The following RB1CC1 variants were observed in gnomAD, a reference collection of about 807,000 sequenced individuals.
RB1CC1 encodes RB1-inducible coiled-coil protein 1.
RB1CC1 carries 46 observed loss-of-function variants against 177.5 expected under a neutral mutation model. The observed-to-expected ratio is 0.26, with a 90% confidence interval of 0.20 to 0.33. The LOEUF (loss-of-function observed/expected upper bound fraction) is 0.33. RB1CC1 is among the 10% of genes least tolerant of loss of function. RB1CC1 has a pLI of 1.00. For missense variants in RB1CC1, 1,703 were observed against 1,816.3 expected (o/e 0.94, Z 1.13); for synonymous variants, 666 against 613.6 (o/e 1.09, Z -1.26).
At chr8:52,628,691 C>G (rs1413684280) in intron 21 of RB1CC1, among the ~76,000 whole-genome samples, 1 of 151,994 alleles carries the variant, frequency 6.6e-6, no homozygotes. Flanking sequence ...GGTATAAGCC[C>G]GAAAGAAGAC....
intron 6 of RB1CC1, among the ~76,000 whole-genome samples, chr8:52,674,700 G>A (rs1003926716): frequency 2.0e-5 from 3 of 151,838 alleles, no homozygotes; most frequent in East Asian, 3.9e-4. Context: ...CCTGGGAGGC[G>A]GAGGCTGCAG....
chr8:52,671,301 T>C (rs1205756017), intron 7 of RB1CC1, among the ~76,000 whole-genome samples: 2 of 152,198 alleles, frequency 1.3e-5, no homozygotes, highest in African/African-American at 2.4e-5. Context: ...ACTGTTACAA[T>C]TGGAATTAAT....
chr8:52,712,900 A>G (rs935688677), intron 1 of RB1CC1, among the ~76,000 whole-genome samples: 1 of 152,156 alleles, frequency 6.6e-6, no homozygotes, highest in Middle Eastern at 3.2e-3. Context: ...TAATCCAAAA[A>G]CTAAAATCAG....
intron 1 of RB1CC1, among the ~76,000 whole-genome samples, chr8:52,699,858 T>TATATATATATATACAC (rs756226534): frequency 9.7e-6 from 1 of 102,790 alleles, no homozygotes; most frequent in African/African-American, 4.1e-5. Context: ...TATATATATA[T>TATATATATATATACAC]ACACACAAAA....
At chr8:52,649,584 C>A (rs888295475) in intron 15 of RB1CC1, among the ~76,000 whole-genome samples, 1 of 152,072 alleles carries the variant, frequency 6.6e-6, no homozygotes, top group Non-Finnish European at 1.5e-5. Context: ...GGCAGTAAGC[C>A]GAGATCATGC....
intron 1 of RB1CC1, among the ~76,000 whole-genome samples, chr8:52,697,663 T>C (rs965778320): frequency 6.6e-6 from 1 of 152,184 alleles, no homozygotes; most frequent in African/African-American, 2.4e-5. Flanking sequence ...ATTGGCAAAA[T>C]GTTGGTACTT....
At chr8:52,671,428 T>C (rs1325205508) in intron 7 of RB1CC1, among the ~76,000 whole-genome samples, 1 of 152,228 alleles carries the variant, frequency 6.6e-6, no homozygotes, top group Non-Finnish European at 1.5e-5. Flanking sequence ...GGTAGGTTAG[T>C]TGTTTTGGAC....
chr8:52,685,362 C>T (rs775528932), intron 3 of RB1CC1, 37 bp downstream of exon 3: 3 of 1,432,540 alleles, frequency 2.1e-6, no homozygotes, highest in Admixed American at 1.8e-5. Context: ...TGCATGCAGA[C>T]AGAATGCGAA....
intron 15 of RB1CC1, among the ~76,000 whole-genome samples, chr8:52,647,071 A>G (rs1032654672): frequency 6.6e-6 from 1 of 152,152 alleles, no homozygotes; most frequent in African/African-American, 2.4e-5. Context: ...TTCACTCTAC[A>G]TGTTTCTTAT....
chr8:52,638,501 C>T (rs959997886), intron 18 of RB1CC1, among the ~76,000 whole-genome samples: 4 of 152,106 alleles, frequency 2.6e-5, no homozygotes, highest in African/African-American at 9.6e-5. Flanking sequence ...GAGTTCTCTC[C>T]TATTTTTTAA....
At chr8:52,702,514 C>G (rs983224991) in intron 1 of RB1CC1, among the ~76,000 whole-genome samples, 1 of 152,012 alleles carries the variant, frequency 6.6e-6, no homozygotes, top group African/African-American at 2.4e-5. Flanking sequence ...GTCAGGAGTT[C>G]GAGACTGCCT....
rs1853233746 is a variant in RB1CC1 at position 52,677,455 on chromosome 8, AG to A, written c.370-885del. Among the ~76,000 whole-genome samples, 5 of 152,208 alleles carry A rather than the reference AG, an allele frequency of 3.3e-5. No individual in the cohort carries two copies. In the South Asian group the frequency reaches 1.0e-3, roughly 31 times the overall value. ...AAGAGGGCCAGATGATCAAAGACCCAGAAGATACTAAGGTAAGGAAGGAGGA... is the reference window on the plus strand; with the variant it reads ...AAGAGGGCCAGATGATCAAAGACCCAAAGATACTAAGGTAAGGAAGGAGGA... On this transcript the variant is annotated intron_variant, in intron 5 of 23. Coordinates refer to ENST00000025008, the MANE Select transcript of RB1CC1 (RefSeq NM_014781.5).
At chr8:52,679,566 A>C (rs1421804214) in intron 5 of RB1CC1, among the ~76,000 whole-genome samples, 1 of 152,212 alleles carries the variant, frequency 6.6e-6, no homozygotes, top group Non-Finnish European at 1.5e-5. Context: ...ATCATGTCTC[A>C]TGTCTCCCTA....
At chr8:52,652,128 T>A (rs892074088) in intron 15 of RB1CC1, among the ~76,000 whole-genome samples, 1 of 152,106 alleles carries the variant, frequency 6.6e-6, no homozygotes, top group Non-Finnish European at 1.5e-5. Flanking sequence ...CATAGAACAA[T>A]GGTACTCTTC....
chr8:52,641,384 C>CAAAAAAAAAAAAAAAAAAAAAATA (rs33912526), intron 18 of RB1CC1, among the ~76,000 whole-genome samples: 4 of 97,500 alleles, frequency 4.1e-5, no homozygotes, highest in African/African-American at 4.0e-5. Context: ...GACTTCATCT[C>CAAAAAAAAAAAAAAAAAAAAAATA]AAAAAAAAAA....
chr8:52,696,784 C>G (rs1213883322), intron 1 of RB1CC1, among the ~76,000 whole-genome samples: 1 of 152,156 alleles, frequency 6.6e-6, no homozygotes, highest in Admixed American at 6.5e-5. Context: ...AGGCTGATCA[C>G]TTGAGCTCAG....
chr8:52,623,235 A>T lies in RB1CC1; in HGVS notation c.*547T>A, dbSNP rs1012081844. The T allele has an allele frequency of 6.4e-6, 1 of 155,650 alleles. No individual in the cohort carries two copies. The highest frequency in any genetic ancestry group is 2.4e-5 in the African/African-American group (1 of 41,242). 9.6% of individuals were successfully genotyped at this position (155,650 alleles called of 1,614,324 possible). ...TTTTTTGAAACATCAAAGGGCATTT[A>T]AAAAAACTGAAACAATTTGCTTTAG... is the stretch of plus-strand genomic sequence containing the variant. On this transcript the variant is annotated 3_prime_UTR_variant, in exon 24 of 24. Coordinates refer to ENST00000025008, the MANE Select transcript of RB1CC1 (RefSeq NM_014781.5).
intron 1 of RB1CC1, among the ~76,000 whole-genome samples, chr8:52,701,747 T>G (rs970749429): frequency 1.3e-5 from 2 of 151,872 alleles, no homozygotes; most frequent in African/African-American, 4.8e-5. Context: ...TGATCTCAAA[T>G]TTTCTCTTCT....
rs750747941 is a variant in RB1CC1, at chr8:52,656,652, C to A, written c.3177G>T (p.Lys1059Asn). The A allele has an allele frequency of 1.2e-6, 2 of 1,613,940 alleles. No homozygotes were observed. The highest frequency in any genetic ancestry group is 1.3e-5 in the African/African-American group (1 of 75,060). Residue 1059 changes from lysine (K) to asparagine (N), a missense_variant, in exon 15 of 24, where the codon AAG (lysine) becomes AAT (asparagine). Transcript: ENST00000025008. ...CCTTCAACGCAAGTTCAACCTCTAACTTGCATCTCGTGTCTGACAAATCAG... is the reference window on the plus strand; with the variant it reads ...CCTTCAACGCAAGTTCAACCTCTAAATTGCATCTCGTGTCTGACAAATCAG... ...KVSDLSDTRCKLEVELALKEA... is the reference protein window; with the variant it reads ...KVSDLSDTRCNLEVELALKEA...
Sources: gnomAD v4.1 joint callset for allele counts (sites outside exome capture counted in the v4.1 genomes callset) on GRCh38, gnomAD v4.1.1 for gene constraint, MANE v1.5 for transcripts, NCBI Gene and HGNC (gene_info 2026-07-23, HGNC 2026-07-21) for gene names.